MSRA: variants seen among roughly 807,000 people sequenced by gnomAD.
MSRA encodes the protein methionine sulfoxide reductase A, also known as mitochondrial peptide methionine sulfoxide reductase.
A neutral mutation model predicts 31.3 loss-of-function variants in MSRA; 54 were observed. That is an observed-to-expected ratio of 1.73 (90% CI 1.39 to 2.17). The LOEUF (loss-of-function observed/expected upper bound fraction) is 2.17. Ranked by LOEUF, MSRA falls within the 30% of genes most tolerant of loss-of-function variation. The probability of loss-of-function intolerance (pLI) is 0.00; values close to 1 mark genes in which losing one functional copy is unlikely to be tolerated. For missense variants in MSRA, 507 were observed against 300.9 expected (o/e 1.69, Z -5.07); for synonymous variants, 169 against 116.5 (o/e 1.45, Z -2.90).
chr8:10,400,304 A>C (rs982541061), intron 5 of MSRA, among the ~76,000 whole-genome samples: 6 of 151,884 alleles, frequency 4.0e-5, no homozygotes, highest in Admixed American at 1.3e-4. Context: ...GAGACAAGAA[A>C]AAAATAAATC....
intron 1 of MSRA, among the ~76,000 whole-genome samples, chr8:10,122,868 G>A (rs534487708): frequency 2.0e-5 from 3 of 152,130 alleles, no homozygotes; most frequent in East Asian, 3.9e-4. Context: ...ACATGATGTC[G>A]TTCTTTTTTA....
At chr8:10,266,615 T>C (rs1047319720) in intron 3 of MSRA, among the ~76,000 whole-genome samples, 4 of 152,180 alleles carry the variant, frequency 2.6e-5, no homozygotes, top group Non-Finnish European at 5.9e-5. Flanking sequence ...CGGTTTTTTT[T>C]TTTATGGATG....
chr8:10,424,561 T>C (rs1218129143), intron 5 of MSRA, among the ~76,000 whole-genome samples: 1 of 108,708 alleles, frequency 9.2e-6, no homozygotes. Flanking sequence ...CGGGATAGAG[T>C]GGGATTCGGG....
At chr8:10,159,030 C>A (rs556310948) in intron 1 of MSRA, among the ~76,000 whole-genome samples, 5 of 152,194 alleles carry the variant, frequency 3.3e-5, no homozygotes, top group Admixed American at 3.3e-4. Context: ...TTAGGAAGAT[C>A]ACTGTCACCG....
chr8:10,330,369 C>A (rs62490332), intron 5 of MSRA, among the ~76,000 whole-genome samples: 1 of 152,086 alleles, frequency 6.6e-6, no homozygotes, highest in Non-Finnish European at 1.5e-5. Flanking sequence ...CATGCTATAA[C>A]CATGATAATA....
chr8:10,055,928 C>A lies in MSRA; in HGVS notation c.142+1270C>A, dbSNP rs1802337385. Among the ~76,000 whole-genome samples the A allele has an allele frequency of 2.0e-5, 3 of 151,988 alleles. No individual in the cohort carries two copies. In the South Asian group the frequency reaches 6.2e-4, roughly 32 times the overall value. On this transcript the variant is annotated intron_variant, in intron 1 of 5. Transcript: ENST00000317173. The stretch of plus-strand genomic sequence containing the variant: ...CCCCATCATTTCACCTGCTACTCAG[C>A]CGTAAAAGTTTATTTTTGATTCAAA...
chr8:10,392,555 T>A (rs1806812799), intron 5 of MSRA, among the ~76,000 whole-genome samples: 1 of 152,118 alleles, frequency 6.6e-6, no homozygotes, highest in Non-Finnish European at 1.5e-5. Context: ...GCTCTTTGTG[T>A]TGTCAGGAAA....
intron 1 of MSRA, among the ~76,000 whole-genome samples, chr8:10,107,343 A>T (rs1397196718): frequency 6.6e-6 from 1 of 152,118 alleles, no homozygotes; most frequent in East Asian, 1.9e-4. Context: ...CTTAGAGGTC[A>T]TTTAGTTTGC....
At chr8:10,071,769 G>T (rs1383745729) in intron 1 of MSRA, among the ~76,000 whole-genome samples, 1 of 152,146 alleles carries the variant, frequency 6.6e-6, no homozygotes, top group Non-Finnish European at 1.5e-5. Flanking sequence ...CCAAGGGAAG[G>T]CTGGCACTCC....
intron 5 of MSRA, among the ~76,000 whole-genome samples, chr8:10,376,202 A>G (rs567081895): frequency 2.0e-5 from 3 of 152,322 alleles, no homozygotes; most frequent in African/African-American, 7.2e-5. Flanking sequence ...GGAAACATTT[A>G]GCACCACTTG....
chr8:10,232,345 G>A (rs766564367), intron 2 of MSRA, among the ~76,000 whole-genome samples: 3 of 152,212 alleles, frequency 2.0e-5, no homozygotes, highest in Non-Finnish European at 4.4e-5. Context: ...CCCTTAGTAG[G>A]CAGAGGTGGA....
At chr8:10,204,716 T>C (rs974912763) in intron 1 of MSRA, among the ~76,000 whole-genome samples, 1 of 152,194 alleles carries the variant, frequency 6.6e-6, no homozygotes, top group East Asian at 1.9e-4. Context: ...TGCATAACTG[T>C]ATATATGTAT....
intron 5 of MSRA, among the ~76,000 whole-genome samples, chr8:10,426,291 G>A (rs1640858446): frequency 6.6e-6 from 1 of 152,216 alleles, no homozygotes; most frequent in African/African-American, 2.4e-5. Context: ...ATTCCGTCAA[G>A]CTGGATGGAT....
chr8:10,288,767 C>A (rs1358455621), intron 3 of MSRA, among the ~76,000 whole-genome samples: 3 of 152,176 alleles, frequency 2.0e-5, no homozygotes, highest in African/African-American at 7.2e-5. Context: ...CTGCCACATC[C>A]TTCCTATGTG....
chr8:10,227,960 G>A (rs546787081), intron 2 of MSRA, among the ~76,000 whole-genome samples: 16 of 152,208 alleles, frequency 1.1e-4, no homozygotes, highest in South Asian at 4.1e-4. Context: ...TTTTTGCCAC[G>A]TATTCATCTT....
intron 1 of MSRA, among the ~76,000 whole-genome samples, chr8:10,165,184 C>T (rs992942873): frequency 2.0e-5 from 3 of 152,104 alleles, no homozygotes; most frequent in African/African-American, 4.8e-5. Context: ...TACAGCTGGC[C>T]GCCTTTTTGC....
chr8:10,196,028 C>G (rs781054859), intron 1 of MSRA, among the ~76,000 whole-genome samples: 4 of 152,160 alleles, frequency 2.6e-5, no homozygotes, highest in Non-Finnish European at 5.9e-5. Flanking sequence ...TACCTCCGAT[C>G]ATTTATCACT....
rs562152579 is a variant in MSRA, at chr8:10,213,546, C to T, written c.211+5645C>T. ...CCGCCTCCTGAGTTCAAGCAATTCT[C>T]CTGCCTCAGCTTCCCGAGTAGCTGG... On this transcript the variant is annotated intron_variant, in intron 2 of 5. Transcript: ENST00000317173. Among the ~76,000 whole-genome samples the T allele has an allele frequency of 7.1e-4, 106 of 149,192 alleles. 1 individual carries two copies. The highest frequency in any genetic ancestry group is 1.3e-3 in the Non-Finnish European group (91 of 67,714).
chr8:10,098,060 G>C (rs1447740982), intron 1 of MSRA, among the ~76,000 whole-genome samples: 1 of 152,066 alleles, frequency 6.6e-6, no homozygotes, highest in South Asian at 2.1e-4. Flanking sequence ...TTAAGAAGTT[G>C]CGTTGATTAC....
Sources: gnomAD v4.1 joint callset for allele counts (sites outside exome capture counted in the v4.1 genomes callset) on GRCh38, gnomAD v4.1.1 for gene constraint, MANE v1.5 for transcripts, NCBI Gene and HGNC (gene_info 2026-07-23, HGNC 2026-07-21) for gene names.